The following GRAMD1B variants were observed in gnomAD, a reference collection of about 807,000 sequenced individuals.
GRAMD1B encodes the protein GRAM domain containing 1B, also known as protein Aster-B.
GRAMD1B carries 37 observed loss-of-function variants against 99.7 expected under a neutral mutation model. The ratio of observed to expected loss-of-function variants is 0.37; its 90% CI spans 0.29 to 0.49. GRAMD1B has a LOEUF of 0.49. Among genes scored for constraint, GRAMD1B ranks in the 20% least tolerant of loss-of-function variants. GRAMD1B has a pLI of 0.98. For synonymous variants in GRAMD1B, 427 were observed against 387.6 expected, an observed-to-expected ratio of 1.10 and a Z score of -1.19; for missense variants, 888 against 1,009.2, an observed-to-expected ratio of 0.88 and a Z score of 1.63.
chr11:123,433,784 T>C (rs1323460888), intron 1 of GRAMD1B, among the ~76,000 whole-genome samples: 1 of 152,038 alleles, frequency 6.6e-6, no homozygotes. Flanking sequence ...TTGGTTAGAT[T>C]TAGGAAGGTA....
intron 4 of GRAMD1B, among the ~76,000 whole-genome samples, chr11:123,586,255 T>C (rs1004845781): frequency 8.5e-5 from 13 of 152,202 alleles, no homozygotes; most frequent in Non-Finnish European, 8.8e-5. Flanking sequence ...TGCTTTCTGA[T>C]GGTTCCACCT....
At chr11:123,540,710 G>T (rs1944429057) in intron 2 of GRAMD1B, among the ~76,000 whole-genome samples, 1 of 151,364 alleles carries the variant, frequency 6.6e-6, no homozygotes, top group Non-Finnish European at 1.5e-5. Flanking sequence ...TTAGCATTTT[G>T]GTTTATATCC....
chr11:123,600,829 A>G (rs1951852970), intron 8 of GRAMD1B, among the ~76,000 whole-genome samples: 1 of 152,202 alleles, frequency 6.6e-6, no homozygotes, highest in Admixed American at 6.5e-5. Context: ...AGAAGTCCTT[A>G]AATTCACAGA....
At chr11:123,560,323 G>C (rs949338054) in intron 2 of GRAMD1B, 4 of 1,155,544 alleles carry the variant, frequency 3.5e-6, no homozygotes, top group Admixed American at 3.9e-5. Flanking sequence ...GCCAGGCAGA[G>C]AGAGAGAGGG....
chr11:123,476,981 C>T (rs189276622), intron 1 of GRAMD1B, among the ~76,000 whole-genome samples: 122 of 152,282 alleles, frequency 8.0e-4, no homozygotes, highest in Admixed American at 1.3e-3. Flanking sequence ...TTGAATCTTA[C>T]TTTCCTGATT....
intron 1 of GRAMD1B, among the ~76,000 whole-genome samples, chr11:123,473,620 G>A (rs1565529060): frequency 6.6e-6 from 1 of 152,260 alleles, no homozygotes; most frequent in South Asian, 2.1e-4. Context: ...AAGGAGCTAG[G>A]AAGATATTTA....
intron 1 of GRAMD1B, among the ~76,000 whole-genome samples, chr11:123,417,789 G>A (rs1300708809): frequency 2.0e-5 from 3 of 152,110 alleles, no homozygotes; most frequent in African/African-American, 7.2e-5. Context: ...ATATAAAAAT[G>A]AGTCTGGTGT....
chr11:123,604,012 A>AT (rs1300879211), intron 9 of GRAMD1B, among the ~76,000 whole-genome samples: 1 of 152,178 alleles, frequency 6.6e-6, no homozygotes, highest in African/African-American at 2.4e-5. Context: ...TGGCTTTCAG[A>AT]TTTTTTCGGT....
chr11:123,605,161 T>G (rs1952541635), intron 9 of GRAMD1B, among the ~76,000 whole-genome samples, 161 bp from the exon 10 acceptor site: 1 of 151,666 alleles, frequency 6.6e-6, no homozygotes, highest in African/African-American at 2.4e-5. Flanking sequence ...AGAAGAGCAA[T>G]GGGGTAGGCA....
chr11:123,558,020 G>T (rs532797248), intron 2 of GRAMD1B, among the ~76,000 whole-genome samples: 2 of 124,940 alleles, frequency 1.6e-5, no homozygotes, highest in African/African-American at 5.7e-5. Context: ...GTCTTGCTCT[G>T]TCGCCCAGGC....
In GRAMD1B at chr11:123,612,790, A is replaced by G. The variant is rs1249789698; in HGVS notation, c.1949A>G (p.Gln650Arg). Residue 650 changes from glutamine to arginine, a missense_variant, in exon 15 of 20, where the codon CAG (glutamine) becomes CGG (arginine). Gln to Arg is a conservative substitution (Grantham distance 43). This residue lies in a region of GRAMD1B where 92 missense variants were observed against 156.9 expected (regional missense o/e 0.59). Transcript: ENST00000635736. ...RVSTELRYRKQPWGLVKTFIE... is the reference protein window; with the variant it reads ...RVSTELRYRKRPWGLVKTFIE... ...TCCACAGAGCTGCGCTATCGAAAAC[A>G]GCCCTGGGGGTTAGTGAAAACGTTC... 4 of 1,611,112 alleles carry G rather than the reference A, an allele frequency of 2.5e-6. No homozygotes were observed. The South Asian group carries it at 4.4e-5, about 18-fold the overall frequency.
chr11:123,570,832 G>A (rs531302691), intron 2 of GRAMD1B, among the ~76,000 whole-genome samples: 1 of 152,354 alleles, frequency 6.6e-6, no homozygotes, highest in African/African-American at 2.4e-5. Context: ...AGTCCTATGA[G>A]ATAGGTGTTT....
chr11:123,436,999 C>T (rs979306248), intron 1 of GRAMD1B, among the ~76,000 whole-genome samples: 10 of 152,162 alleles, frequency 6.6e-5, no homozygotes, highest in South Asian at 4.1e-4. Context: ...TGAGAACATG[C>T]GGTGTTTGGT....
intron 1 of GRAMD1B, among the ~76,000 whole-genome samples, chr11:123,376,085 T>C (rs1946682412): frequency 6.6e-6 from 1 of 152,080 alleles, no homozygotes; most frequent in Non-Finnish European, 1.5e-5. Context: ...CTTTCTTCCC[T>C]GGCCAATATG....
At chr11:123,501,369 T>C (rs80256236) in intron 2 of GRAMD1B, among the ~76,000 whole-genome samples, 1 of 150,998 alleles carries the variant, frequency 6.6e-6, no homozygotes, top group African/African-American at 2.4e-5. Context: ...TGCGGTCTCA[T>C]CATGTTGGCC....
chr11:123,442,323 G>C (rs925868510), intron 1 of GRAMD1B, among the ~76,000 whole-genome samples: 2 of 152,148 alleles, frequency 1.3e-5, no homozygotes, highest in African/African-American at 4.8e-5. Context: ...CTATAAACCA[G>C]AGTTCCCGAC....
intron 2 of GRAMD1B, among the ~76,000 whole-genome samples, chr11:123,496,281 T>C (rs1431398760): frequency 6.6e-6 from 1 of 152,154 alleles, no homozygotes; most frequent in Non-Finnish European, 1.5e-5. Context: ...AAATATGTCA[T>C]GCCACTTTTT....
chr11:123,361,305 G>A (rs1227386570), intron 1 of GRAMD1B, among the ~76,000 whole-genome samples: 2 of 152,168 alleles, frequency 1.3e-5, no homozygotes, highest in Non-Finnish European at 2.9e-5. Flanking sequence ...GCACTCCAGA[G>A]GTGTTTCCAC....
chr11:123,381,409 C>G (rs1946869350), intron 1 of GRAMD1B: 1 of 154,326 alleles, frequency 6.5e-6, no homozygotes, highest in Admixed American at 6.5e-5. Flanking sequence ...GAGCTGGGTC[C>G]CAAATTACCA....
Sources: gnomAD v4.1 joint callset for allele counts (sites outside exome capture counted in the v4.1 genomes callset) on GRCh38, gnomAD v4.1.1 for gene constraint, gnomAD v4.1.1 regional missense constraint, MANE v1.5 for transcripts, NCBI Gene and HGNC (gene_info 2026-07-23, HGNC 2026-07-21) for gene names.